The following AVEN variants were observed in gnomAD, a reference collection of about 807,000 sequenced individuals.
AVEN encodes apoptosis and caspase activation inhibitor, also known as cell death regulator Aven.
Under a neutral mutation model 38.1 loss-of-function variants are expected in AVEN, and 41 were observed. The ratio of observed to expected loss-of-function variants is 1.08; its 90% CI spans 0.84 to 1.40. The LOEUF (loss-of-function observed/expected upper bound fraction) is 1.40. Ranked by LOEUF, AVEN falls within the 40% of genes most tolerant of loss-of-function variation. The probability of loss-of-function intolerance (pLI) is 0.00; values close to 1 mark genes in which losing one functional copy is unlikely to be tolerated. For synonymous variants in AVEN, 206 were observed against 171.8 expected (o/e 1.20, Z -1.56); for missense variants, 605 against 438.8 (o/e 1.38, Z -3.38).
chr15:33,869,941 G>A (rs996592096), intron 4 of AVEN, among the ~76,000 whole-genome samples: 5 of 150,088 alleles, frequency 3.3e-5, no homozygotes, highest in South Asian at 2.1e-4. Flanking sequence ...TCCTGAATTT[G>A]TATTTCTAGC....
At chr15:34,010,340 A>G (rs1897583912) in intron 1 of AVEN, among the ~76,000 whole-genome samples, 2 of 152,022 alleles carry the variant, frequency 1.3e-5, no homozygotes, top group Admixed American at 1.3e-4. Flanking sequence ...TAAATAAATA[A>G]AAGAAGTTGC....
At chr15:33,875,894 C>T (rs996323814) in intron 3 of AVEN, 31 bp downstream of exon 3, 1 of 1,585,418 alleles carries the variant, frequency 6.3e-7, no homozygotes, top group South Asian at 1.1e-5. Flanking sequence ...GAAGAAGAGC[C>T]AGTCCACACT....
chr15:34,064,088 G>A (rs140200556), intron 4 of AVEN: 105 of 1,614,028 alleles, frequency 6.5e-5, no homozygotes, highest in African/African-American at 8.0e-5. Flanking sequence ...CATGGACCCC[G>A]TATAACATCA....
chr15:34,022,352 C>T (rs1898238124), intron 1 of AVEN, among the ~76,000 whole-genome samples: 1 of 152,218 alleles, frequency 6.6e-6, no homozygotes, highest in African/African-American at 2.4e-5. Flanking sequence ...CTCCCTTCTG[C>T]AGCTCTTTTC....
chr15:33,876,075 A>C (rs1891217086), intron 2 of AVEN, 80 bp from the exon 3 acceptor site: 1 of 1,365,350 alleles, frequency 7.3e-7, no homozygotes, highest in East Asian at 2.4e-5. Context: ...GCTAGAGCAA[A>C]AGTGCCATTT....
At chr15:34,017,973 C>T (rs1898019636) in intron 1 of AVEN, among the ~76,000 whole-genome samples, 1 of 152,146 alleles carries the variant, frequency 6.6e-6, no homozygotes, top group African/African-American at 2.4e-5. Context: ...AACAAACCTA[C>T]TACATTACCA....
intron 4 of AVEN, among the ~76,000 whole-genome samples, chr15:33,868,120 G>T (rs780011262): frequency 2.6e-5 from 4 of 152,144 alleles, no homozygotes; most frequent in African/African-American, 9.7e-5. Flanking sequence ...GCTCAGATTT[G>T]GAATGAAAAG....
intron 2 of AVEN, among the ~76,000 whole-genome samples, chr15:33,917,050 G>C (rs556353481): frequency 6.6e-6 from 1 of 151,978 alleles, no homozygotes; most frequent in African/African-American, 2.4e-5. Context: ...AGCTCCCACT[G>C]GGTCTCTCCC....
intron 2 of AVEN, among the ~76,000 whole-genome samples, chr15:33,895,751 A>G (rs1425744439): frequency 6.6e-6 from 1 of 152,182 alleles, no homozygotes; most frequent in Non-Finnish European, 1.5e-5. Flanking sequence ...TATCTGTATT[A>G]TATTCAAAAT....
intron 1 of AVEN, among the ~76,000 whole-genome samples, chr15:34,032,956 T>A (rs1898931912): frequency 1.3e-5 from 2 of 152,350 alleles, no homozygotes; most frequent in South Asian, 4.1e-4. Flanking sequence ...TAAAATACTT[T>A]AAAAATAACT....
chr15:34,009,463 CAT>C (rs1041119066), intron 1 of AVEN, among the ~76,000 whole-genome samples: 6 of 152,100 alleles, frequency 3.9e-5, no homozygotes, highest in African/African-American at 1.4e-4. Flanking sequence ...GGGCCTATAA[CAT>C]AGATTTTTTT....
chr15:33,873,368 G>A (rs929897503), intron 3 of AVEN, among the ~76,000 whole-genome samples: 1 of 150,458 alleles, frequency 6.6e-6, no homozygotes, highest in Non-Finnish European at 1.5e-5. Flanking sequence ...CCAAAGTGCT[G>A]GGATTATAGG....
At chr15:33,962,339 C>A (rs1454479717) in intron 2 of AVEN, among the ~76,000 whole-genome samples, 1 of 152,136 alleles carries the variant, frequency 6.6e-6, no homozygotes, top group Non-Finnish European at 1.5e-5. Flanking sequence ...TCTTGATTTC[C>A]CTTTCCCAAA....
chr15:33,870,538 T>C (rs1392719395), intron 4 of AVEN, among the ~76,000 whole-genome samples: 1 of 152,230 alleles, frequency 6.6e-6, no homozygotes, highest in African/African-American at 2.4e-5. Context: ...AATTTGTATA[T>C]GTTTGTGTGA....
chr15:34,043,174 G>C (rs1209024448), upstream of AVEN, among the ~76,000 whole-genome samples: 1 of 150,790 alleles, frequency 6.6e-6, no homozygotes, highest in African/African-American at 2.4e-5. Flanking sequence ...GTGAACCTGG[G>C]AGGCAGAGCT....
chr15:34,022,657 T>C (rs1047144386), intron 1 of AVEN, among the ~76,000 whole-genome samples: 1 of 152,188 alleles, frequency 6.6e-6, no homozygotes, highest in African/African-American at 2.4e-5. Flanking sequence ...ATGGTTGCCT[T>C]ACACCTTTTG....
intron 2 of AVEN, among the ~76,000 whole-genome samples, chr15:33,940,502 G>A (rs1894272641): frequency 6.6e-6 from 1 of 152,066 alleles, no homozygotes; most frequent in African/African-American, 2.4e-5. Context: ...GAAGCAGGTT[G>A]CACACATAAA....
intron 5 of AVEN, among the ~76,000 whole-genome samples, chr15:34,044,576 CAT>C (rs10549086): frequency 0.98 from 148,770 of 152,222 alleles, 72,793 homozygotes; most frequent in East Asian, 1. Flanking sequence ...TCTTGGCACA[CAT>C]AGAAAATGGT....
At chr15:34,023,027 A>C (rs1488525658) in intron 1 of AVEN, among the ~76,000 whole-genome samples, 7 of 152,152 alleles carry the variant, frequency 4.6e-5, no homozygotes, top group Non-Finnish European at 1.5e-5. Flanking sequence ...TCTCTACTAA[A>C]AACACAAAAA....
Sources: gnomAD v4.1 joint callset for allele counts (sites outside exome capture counted in the v4.1 genomes callset) on GRCh38, gnomAD v4.1.1 for gene constraint, MANE v1.5 for transcripts, NCBI Gene and HGNC (gene_info 2026-07-23, HGNC 2026-07-21) for gene names.